TSACC: variants seen among roughly 807,000 people sequenced by gnomAD.
TSACC encodes TSSK6-activating co-chaperone protein.
A neutral mutation model predicts 6.9 loss-of-function variants in TSACC; 3 were observed. The observed-to-expected ratio is 0.43, with a 90% confidence interval of 0.20 to 1.12. The LOEUF (loss-of-function observed/expected upper bound fraction) is 1.12. TSACC is among the 50% of genes most tolerant of loss of function. The pLI is 0.28. For synonymous variants in TSACC, 54 were observed against 55.1 expected, an observed-to-expected ratio of 0.98 and a Z score of 0.09; for missense variants, 137 against 143.9, an observed-to-expected ratio of 0.95 and a Z score of 0.24.
chr1:156,339,430 G>A (rs1202357978), intron 1 of TSACC, among the ~76,000 whole-genome samples: 1 of 152,124 alleles, frequency 6.6e-6, no homozygotes, highest in South Asian at 2.1e-4. Flanking sequence ...ATTAAACATG[G>A]TGAGAACACG....
At chr1:156,341,078 A>G (rs1022687183) in intron 2 of TSACC, among the ~76,000 whole-genome samples, 4 of 152,016 alleles carry the variant, frequency 2.6e-5, no homozygotes, top group African/African-American at 7.3e-5. Context: ...TGGCCTCCCA[A>G]AGTCCTGGGA....
chr1:156,338,402 G>C (rs557316220), upstream of TSACC: 3 of 586,534 alleles, frequency 5.1e-6, no homozygotes, highest in South Asian at 4.1e-5. Context: ...CGCAAGAACG[G>C]CCAGACAAGT....
At chr1:156,345,243 A>G (rs1666101358) in intron 3 of TSACC, among the ~76,000 whole-genome samples, 1 of 152,242 alleles carries the variant, frequency 6.6e-6, no homozygotes, top group Non-Finnish European at 1.5e-5. Flanking sequence ...TAATATAATT[A>G]CCAAGGTTAA....
At chr1:156,337,977 G>A (rs532197891), upstream of TSACC, among the ~76,000 whole-genome samples, 698 of 152,296 alleles carry the variant, frequency 4.6e-3, 5 homozygotes, top group Non-Finnish European at 7.7e-3. Context: ...AGTTTGTGCA[G>A]AGAAGCGAAC....
upstream of TSACC, chr1:156,338,241 G>T: frequency 4.9e-6 from 4 of 817,088 alleles, no homozygotes; most frequent in East Asian, 3.9e-5. Context: ...GAACCTTCTG[G>T]AGAGAGAGAA....
chr1:156,342,634 C>T (rs1200917660), intron 2 of TSACC, among the ~76,000 whole-genome samples: 3 of 152,214 alleles, frequency 2.0e-5, no homozygotes, highest in African/African-American at 7.2e-5. Flanking sequence ...ATATTATTTC[C>T]TCAGGACATG....
chr1:156,341,627 A>G (rs1665887362), intron 2 of TSACC, among the ~76,000 whole-genome samples: 1 of 152,192 alleles, frequency 6.6e-6, no homozygotes, highest in African/African-American at 2.4e-5. Flanking sequence ...ATCCTCTGTT[A>G]TACATTGTCA....
intron 2 of TSACC, 89 bp downstream of exon 2, chr1:156,339,880 G>T (rs1665765020): frequency 4.2e-6 from 6 of 1,414,230 alleles, no homozygotes; most frequent in Non-Finnish European, 6.0e-6. Context: ...TGTATTCCCA[G>T]CACCTAGAAC....
chr1:156,340,986 C>T (rs747831017), intron 2 of TSACC, among the ~76,000 whole-genome samples: 9 of 152,214 alleles, frequency 5.9e-5, no homozygotes, highest in South Asian at 2.1e-4. Context: ...TATGCCACCA[C>T]GCCTGGCTAA....
chr1:156,339,869 C>G, intron 2 of TSACC, 78 bp downstream of exon 2: 1 of 1,507,604 alleles, frequency 6.6e-7, no homozygotes, highest in Non-Finnish European at 9.2e-7. Flanking sequence ...GGGAGCATTG[C>G]TGTATTCCCA....
upstream of TSACC, chr1:156,338,500 G>T (rs1665575579): frequency 5.8e-6 from 3 of 515,298 alleles, no homozygotes; most frequent in Admixed American, 6.7e-5. Context: ...CAGCGCGAAC[G>T]TCGGCGCAGG....
At position 156,339,664 on chromosome 1, in the gene TSACC, A is replaced by C. The variant is rs920048849; in HGVS notation, c.-94A>C. ...AACAGGCTGAGATCTGCTGGAGACA[A>C]CTTAGGAAATTATCATAGTGAAAAT... On this transcript the variant is annotated 5_prime_UTR_variant, in exon 2 of 4. Transcript: ENST00000368254. 10 of 1,538,086 alleles carry C rather than the reference A, an allele frequency of 6.5e-6. No homozygotes were observed. Among genetic ancestry groups the C allele is most frequent in the African/African-American group, 1.4e-5 (1 of 73,618 alleles).
At position 156,346,729 on chromosome 1, in the gene TSACC, CT is replaced by C. The variant is rs757083854; in HGVS notation, c.164-36del. 158 of 1,598,244 alleles carry C rather than the reference CT, an allele frequency of 9.9e-5. 1 individual carries two copies. The African/African-American group carries it at 1.6e-3, about 17-fold the overall frequency. On this transcript the variant is annotated intron_variant, in intron 3 of 3. Coordinates refer to ENST00000368254, the MANE Select transcript of TSACC (RefSeq NM_001304817.2). ...TCAGTACAATTACCAAATCTCTCTCCTTTGTTCCCTTGCACCTCCGTTGCTT... is the reference window on the plus strand; with the variant it reads ...TCAGTACAATTACCAAATCTCTCTCCTTGTTCCCTTGCACCTCCGTTGCTT...
chr1:156,340,698 T>C (rs966898438), intron 2 of TSACC, among the ~76,000 whole-genome samples: 1 of 151,894 alleles, frequency 6.6e-6, no homozygotes, highest in African/African-American at 2.4e-5. Context: ...TGACCTCAGG[T>C]GATCCGCCTG....
At chr1:156,345,820 T>C (rs1666137678) in intron 3 of TSACC, among the ~76,000 whole-genome samples, 1 of 150,592 alleles carries the variant, frequency 6.6e-6, no homozygotes, top group Non-Finnish European at 1.5e-5. Flanking sequence ...TGAGCCAGGA[T>C]TGTGCCGCTG....
At chr1:156,344,788 A>G (rs912421979) in intron 3 of TSACC, 80 bp downstream of exon 3, 46 of 1,531,948 alleles carry the variant, frequency 3.0e-5, no homozygotes, top group Admixed American at 6.0e-5. Flanking sequence ...GCTGTCGCCT[A>G]TTGATCAAGA....
chr1:156,346,878 G>A lies in TSACC; in HGVS notation c.274G>A (p.Ala92Thr). The A allele has an allele frequency of 6.2e-7, 1 of 1,614,128 alleles. No individual in the cohort carries two copies. Among genetic ancestry groups the A allele is most frequent in the Non-Finnish European group, 8.5e-7 (1 of 1,180,012 alleles). ...GATGGCTGTTTTGGAACATTTACAGGCATCTGTGACACAACTGGCTCCTGG... is the reference window on the plus strand; with the variant it reads ...GATGGCTGTTTTGGAACATTTACAGACATCTGTGACACAACTGGCTCCTGG... Reference protein sequence around the residue: ...QQMAVLEHLQASVTQLAPGRG... With the variant: ...QQMAVLEHLQTSVTQLAPGRG... Residue 92 changes from alanine (A) to threonine (T), a missense_variant, in exon 4 of 4, where the codon GCA becomes ACA. Ala to Thr is a moderately conservative substitution (Grantham distance 58, BLOSUM62 0). Transcript: ENST00000368254.
upstream of TSACC, chr1:156,337,338 G>A: frequency 3.9e-6 from 1 of 255,922 alleles, no homozygotes. Flanking sequence ...AACCTGGGAG[G>A]CAGAGGTTGC....
chr1:156,339,833 G>A (rs746063673), intron 2 of TSACC, 42 bp downstream of exon 2: 2 of 1,610,124 alleles, frequency 1.2e-6, no homozygotes, highest in Non-Finnish European at 1.7e-6. Flanking sequence ...TAAAAAGCAA[G>A]ACCTCCTTTG....
Sources: allele counts gnomAD v4.1 joint callset (sites outside exome capture counted in the v4.1 genomes callset), GRCh38; gene constraint gnomAD v4.1.1; transcripts MANE v1.5; gene names NCBI Gene and HGNC (gene_info 2026-07-23, HGNC 2026-07-21).